FNBP1: variants seen among roughly 807,000 people sequenced by gnomAD.
FNBP1 encodes the protein formin-binding protein 1.
FNBP1 carries 26 observed loss-of-function variants against 90.6 expected under a neutral mutation model. The observed-to-expected ratio is 0.29, with a 90% CI of 0.21 to 0.40. The LOEUF (loss-of-function observed/expected upper bound fraction) is 0.40. FNBP1 is among the 10% of genes least tolerant of loss of function. FNBP1 has a pLI of 1.00. For synonymous variants in FNBP1, 260 were observed against 265.2 expected (o/e 0.98, Z 0.19); for missense variants, 635 against 768.0 (o/e 0.83, Z 2.05).
rs188131661 is a variant in FNBP1, at chr9:129,963,413, A to G, written c.346-4860T>C. On this transcript the variant is annotated intron_variant, in intron 4 of 16. Coordinates refer to ENST00000446176, the MANE Select transcript of FNBP1 (RefSeq NM_015033.3). ...TAGAGTGGTTCCCTTGCCACTCCTT[A>G]GTGTAAATATATAATAAATATGCAT... 1.4e-4 allele frequency among the ~76,000 whole-genome samples: 22 copies of G among 152,250 alleles called. No homozygotes were observed. The East Asian group carries it at 4.3e-3, about 29-fold the overall frequency.
intron 1 of FNBP1, among the ~76,000 whole-genome samples, chr9:130,014,592 G>A (rs1205059444): frequency 6.6e-6 from 1 of 152,108 alleles, no homozygotes; most frequent in Non-Finnish European, 1.5e-5. Flanking sequence ...GTACATGGAT[G>A]TGCATTTTAC....
chr9:129,957,031 C>G lies in FNBP1; in HGVS notation c.513+329G>C, dbSNP rs1403709645. ...AGGGGAAATGAAAGACACACTTGAG[C>G]TTTCTTTTGTCTTTTTTTTTTTTTG... On this transcript the variant is annotated intron_variant, in intron 6 of 16. Transcript: ENST00000446176. This position sits in a 1 kb window ranked among gnomAD's most constrained non-coding sequence, Gnocchi z 4.3. Among the ~76,000 whole-genome samples the G allele has an allele frequency of 8.7e-6, 1 of 114,308 alleles. No individual in the cohort carries two copies. Among genetic ancestry groups the G allele is most frequent in the East Asian group, 2.7e-4 (1 of 3,656 alleles). The allele number at this position is 114,308 out of a possible 152,430, so 75.0% of individuals were successfully genotyped here.
chr9:130,039,619 T>C (rs2059643697), intron 1 of FNBP1, among the ~76,000 whole-genome samples: 1 of 147,306 alleles, frequency 6.8e-6, no homozygotes, highest in East Asian at 2.0e-4. Context: ...AAAGTTGCAG[T>C]GAGCCAAGAT....
chr9:129,946,600 C>A (rs1199041202), intron 6 of FNBP1, among the ~76,000 whole-genome samples: 1 of 152,138 alleles, frequency 6.6e-6, no homozygotes, highest in Non-Finnish European at 1.5e-5. Context: ...TAAATTGAGA[C>A]TCTAGCAGAA....
chr9:129,968,778 GA>G (rs1426014398), intron 4 of FNBP1, among the ~76,000 whole-genome samples: 1 of 152,166 alleles, frequency 6.6e-6, no homozygotes, highest in Non-Finnish European at 1.5e-5. Context: ...GTGAGTCACT[GA>G]AAGTATTGTA....
intron 1 of FNBP1, chr9:130,013,758 T>A (rs993971239): frequency 2.2e-6 from 1 of 456,626 alleles, no homozygotes; most frequent in Admixed American, 2.4e-5. Flanking sequence ...TGGGGCCAAA[T>A]AAAAGATGGC....
Position 130,013,139 on chromosome 9 carries a change from A to G in FNBP1, c.25-18181T>C, listed in dbSNP as rs144246427. 2.2e-4 allele frequency among the ~76,000 whole-genome samples: 33 copies of G among 152,086 alleles called. No individual in the cohort carries two copies. The East Asian group carries it at 6.0e-3, about 28-fold the overall frequency. On this transcript the variant is annotated intron_variant, in intron 1 of 16. Transcript: ENST00000446176. ...CTAGAATATAGATAGCACTCCTTCA[A>G]TTGTTCTATTTTTTATGTTTTTAAG...
upstream of FNBP1, chr9:130,044,757 G>A (rs944137001): frequency 6.6e-6 from 1 of 152,066 alleles, no homozygotes; most frequent in African/African-American, 2.4e-5. Flanking sequence ...CCAACATGGA[G>A]AAACCCCGTC....
At chr9:129,937,689 T>C (rs1456256420) in intron 6 of FNBP1, among the ~76,000 whole-genome samples, 1 of 151,480 alleles carries the variant, frequency 6.6e-6, no homozygotes, top group African/African-American at 2.4e-5. Context: ...CAAGATATCA[T>C]GCCACTGCAC....
chr9:129,968,647 T>C (rs889659934), intron 4 of FNBP1, among the ~76,000 whole-genome samples: 3 of 152,188 alleles, frequency 2.0e-5, no homozygotes, highest in African/African-American at 7.2e-5. Flanking sequence ...AAGAATGTTA[T>C]AGGTTTTAGT....
intron 2 of FNBP1, among the ~76,000 whole-genome samples, chr9:129,983,520 T>TAAAA (rs969906046): frequency 2.6e-5 from 4 of 152,128 alleles, no homozygotes; most frequent in African/African-American, 9.7e-5. Context: ...TACCGTTATT[T>TAAAA]AAAAAATGAA....
intron 2 of FNBP1, among the ~76,000 whole-genome samples, chr9:129,982,646 C>T (rs183604497): frequency 5.1e-4 from 77 of 152,134 alleles, no homozygotes; most frequent in Non-Finnish European, 1.2e-4. Flanking sequence ...GTTTATTTTA[C>T]AATTCATTTT....
intron 4 of FNBP1, among the ~76,000 whole-genome samples, chr9:129,959,235 C>G (rs1347552846): frequency 6.6e-6 from 1 of 150,750 alleles, no homozygotes; most frequent in Non-Finnish European, 1.5e-5. Flanking sequence ...AGGTTGAGGC[C>G]GCAGTGAGCC....
At chr9:130,034,245 G>A (rs1157755949) in intron 1 of FNBP1, among the ~76,000 whole-genome samples, 4 of 151,100 alleles carry the variant, frequency 2.6e-5, no homozygotes, top group African/African-American at 4.9e-5. Flanking sequence ...CTCGGGAGGC[G>A]GAGATTGCAG....
At chr9:129,919,313 C>T (rs534342177) in intron 10 of FNBP1, 1 of 714,124 alleles carries the variant, frequency 1.4e-6, no homozygotes, top group South Asian at 1.5e-5. Flanking sequence ...ATATGACAAA[C>T]AACTGGTAAG....
At chr9:129,963,314 C>A (rs575070106) in intron 4 of FNBP1, among the ~76,000 whole-genome samples, 28 of 152,124 alleles carry the variant, frequency 1.8e-4, no homozygotes, top group African/African-American at 5.3e-4. Flanking sequence ...TAAAATAAAT[C>A]TCTGAAGACA....
chr9:130,023,898 C>T (rs1434821329), intron 1 of FNBP1, among the ~76,000 whole-genome samples: 1 of 152,078 alleles, frequency 6.6e-6, no homozygotes, highest in African/African-American at 2.4e-5. Flanking sequence ...TAGGACTGGC[C>T]CACAATTCAG....
intron 16 of FNBP1, among the ~76,000 whole-genome samples, chr9:129,892,414 C>A (rs2134599): frequency 0.091 from 11,388 of 125,030 alleles, 700 homozygotes; most frequent in South Asian, 0.1. Flanking sequence ...CACACACACA[C>A]ACAAAAAGGT....
Position 129,902,994 on chromosome 9 carries a change from T to G in FNBP1, c.1303A>C (p.Ile435Leu). 1 of 1,574,996 alleles carries G rather than the reference T, an allele frequency of 6.3e-7. No homozygotes were observed. The change falls in exon 13 of 17, where the codon ATA becomes CTA. Residue 435 changes from isoleucine (I) to leucine (L), a missense_variant. By Grantham distance (5) the Ile-to-Leu change is conservative (BLOSUM62 2). Transcript: ENST00000446176. ...AGGTAGACATCTTTCATTTTTGTTA[T>G]GGCATCTCTGAAAGAAAGAACGAGT... Reference protein sequence around the residue: ...IQKEMDQRDAITKMKDVYLKN... With the variant: ...IQKEMDQRDALTKMKDVYLKN...
Sources: allele counts gnomAD v4.1 joint callset (sites outside exome capture counted in the v4.1 genomes callset), GRCh38; gene constraint gnomAD v4.1.1; non-coding constraint Gnocchi (gnomAD v3.1); transcripts MANE v1.5; gene names NCBI Gene and HGNC (gene_info 2026-07-23, HGNC 2026-07-21).